The following CTNNA3 variants were observed in gnomAD, a reference collection of about 807,000 sequenced individuals.
The protein encoded by CTNNA3 is catenin alpha 3, also known as catenin alpha-3.
In CTNNA3, 76 loss-of-function variants were observed where a neutral mutation model predicts 95.7. The ratio of observed to expected loss-of-function variants is 0.79; its 90% confidence interval spans 0.66 to 0.96. CTNNA3 has a LOEUF of 0.96. Ranked by LOEUF, CTNNA3 falls within the 40% of genes least tolerant of loss-of-function variation. The pLI is 0.00. For synonymous variants in CTNNA3, 431 were observed against 374.4 expected (o/e 1.15, Z -1.74); for missense variants, 1,191 against 1,089.8 (o/e 1.09, Z -1.31).
At chr10:66,806,283 GTGTGTGTGTA>G (rs1429313814) in intron 7 of CTNNA3, among the ~76,000 whole-genome samples, 4 of 148,188 alleles carry the variant, frequency 2.7e-5, no homozygotes, top group Non-Finnish European at 3.0e-5. Flanking sequence ...GTGTGTGTGT[GTGTGTGTGTA>G]TATATACTCA....
At chr10:66,567,660 A>T (rs1017894624) in intron 10 of CTNNA3, among the ~76,000 whole-genome samples, 3 of 152,080 alleles carry the variant, frequency 2.0e-5, no homozygotes, top group Admixed American at 2.0e-4. Context: ...AGAGAGGAAA[A>T]TTTCATTTCC....
intron 5 of CTNNA3, among the ~76,000 whole-genome samples, chr10:67,376,195 C>A (rs967222720): frequency 1.3e-5 from 2 of 152,176 alleles, no homozygotes; most frequent in Non-Finnish European, 2.9e-5. Context: ...AGCAGTAGTA[C>A]TAGCCACATC....
chr10:67,106,330 T>C (rs2131958339), intron 7 of CTNNA3, among the ~76,000 whole-genome samples: 1 of 152,360 alleles, frequency 6.6e-6, no homozygotes, highest in South Asian at 2.1e-4. Flanking sequence ...AGAATATAAA[T>C]ACTATTGTCT....
intron 7 of CTNNA3, among the ~76,000 whole-genome samples, chr10:67,057,679 T>G (rs558237823): frequency 2.6e-5 from 4 of 152,220 alleles, no homozygotes; most frequent in African/African-American, 9.6e-5. Flanking sequence ...AAGTTGTAAG[T>G]TTGCTGAACT....
chr10:66,653,268 G>A (rs910523300), intron 9 of CTNNA3, among the ~76,000 whole-genome samples: 2 of 151,928 alleles, frequency 1.3e-5, no homozygotes, highest in Admixed American at 1.3e-4. Context: ...GAAAGTTGCA[G>A]GATACAACAT....
Position 66,178,576 on chromosome 10 carries a change from C to T in CTNNA3, c.1885-75327G>A, listed in dbSNP as rs76015740. On this transcript the variant is annotated intron_variant, in intron 13 of 17. Transcript: ENST00000433211. ...AAAAATTGATAAACTGGATTTCATC[C>T]AAATTAGATTATATTACTCTGTGAA... is the stretch of plus-strand genomic sequence containing the variant. Among the ~76,000 whole-genome samples the T allele has an allele frequency of 8.5e-3, 1,279 of 150,600 alleles. 66 individuals are homozygous for T. The East Asian group carries it at 0.14, about 16-fold the overall frequency.
intron 7 of CTNNA3, among the ~76,000 whole-genome samples, chr10:67,134,444 T>C (rs1307585219): frequency 6.6e-6 from 1 of 152,108 alleles, no homozygotes; most frequent in East Asian, 1.9e-4. Flanking sequence ...TGAATGAATT[T>C]CCTAATAAAA....
chr10:66,337,890 T>G (rs1317175625), intron 12 of CTNNA3, among the ~76,000 whole-genome samples: 1 of 152,000 alleles, frequency 6.6e-6, no homozygotes, highest in African/African-American at 2.4e-5. Context: ...ACCCAGCAAT[T>G]TCATTCCTAG....
intron 7 of CTNNA3, among the ~76,000 whole-genome samples, chr10:67,043,266 A>G (rs1469148208): frequency 6.6e-6 from 1 of 151,982 alleles, no homozygotes; most frequent in Admixed American, 6.6e-5. Flanking sequence ...ATGGTATGAA[A>G]ATGGCCTGAG....
At chr10:66,722,433 T>C (rs1848659519) in intron 9 of CTNNA3, among the ~76,000 whole-genome samples, 2 of 151,348 alleles carry the variant, frequency 1.3e-5, no homozygotes, top group African/African-American at 2.4e-5. Context: ...AGAGAATTGG[T>C]GCTAGCTTCC....
intron 7 of CTNNA3, among the ~76,000 whole-genome samples, chr10:66,988,811 T>C (rs1473286177): frequency 1.3e-5 from 2 of 152,054 alleles, no homozygotes; most frequent in African/African-American, 4.8e-5. Flanking sequence ...ATATAATCAA[T>C]AGATCATTAT....
intron 12 of CTNNA3, among the ~76,000 whole-genome samples, chr10:66,319,730 T>C (rs1403600839): frequency 2.0e-5 from 3 of 152,118 alleles, no homozygotes; most frequent in Non-Finnish European, 4.4e-5. Context: ...GAATGTCTGT[T>C]ACTAGCATTC....
At chr10:66,689,824 G>A (rs1022729009) in intron 9 of CTNNA3, among the ~76,000 whole-genome samples, 1 of 152,102 alleles carries the variant, frequency 6.6e-6, no homozygotes, top group Non-Finnish European at 1.5e-5. Flanking sequence ...GGGAGAGAGG[G>A]GGAAAATGAG....
chr10:67,069,031 G>A (rs1856269700), intron 7 of CTNNA3, among the ~76,000 whole-genome samples: 1 of 146,336 alleles, frequency 6.8e-6, no homozygotes. Context: ...TCCACTCTGG[G>A]CAACAGAGCA....
At chr10:65,998,120 A>G (rs2078701816) in intron 15 of CTNNA3, among the ~76,000 whole-genome samples, 1 of 152,246 alleles carries the variant, frequency 6.6e-6, no homozygotes, top group Non-Finnish European at 1.5e-5. Flanking sequence ...CATTGATTTC[A>G]GGATTCTACA....
At chr10:67,168,654 G>T (rs1323203601) in intron 7 of CTNNA3, among the ~76,000 whole-genome samples, 1 of 152,140 alleles carries the variant, frequency 6.6e-6, no homozygotes, top group Non-Finnish European at 1.5e-5. Context: ...AGCCATCTAT[G>T]ACAAACCTAC....
intron 5 of CTNNA3, among the ~76,000 whole-genome samples, chr10:67,485,301 T>C (rs1006979936): frequency 6.6e-6 from 1 of 152,086 alleles, no homozygotes; most frequent in Admixed American, 6.6e-5. Flanking sequence ...GCAACAAGCT[T>C]TCTTGGGGAC....
chr10:66,978,663 A>G (rs956538124), intron 7 of CTNNA3, among the ~76,000 whole-genome samples: 47 of 149,288 alleles, frequency 3.1e-4, no homozygotes, highest in African/African-American at 1.1e-3. Flanking sequence ...CAGAGCTGAA[A>G]GAAACTATAA....
intron 15 of CTNNA3, among the ~76,000 whole-genome samples, chr10:66,065,200 C>G (rs2080288117): frequency 6.6e-6 from 1 of 151,810 alleles, no homozygotes; most frequent in Admixed American, 6.6e-5. Context: ...CCAGAAGGAA[C>G]AGCCATGTAA....
Sources: allele counts gnomAD v4.1 joint callset (sites outside exome capture counted in the v4.1 genomes callset), GRCh38; gene constraint gnomAD v4.1.1; transcripts MANE v1.5; gene names NCBI Gene and HGNC (gene_info 2026-07-23, HGNC 2026-07-21).